CCSER1: variants seen among roughly 807,000 people sequenced by gnomAD.
CCSER1 encodes coiled-coil serine rich protein 1, also known as serine-rich coiled-coil domain-containing protein 1.
In CCSER1, 41 loss-of-function variants were observed where a neutral mutation model predicts 82.0. The ratio of observed to expected loss-of-function variants is 0.50; its 90% CI spans 0.39 to 0.65. The LOEUF (loss-of-function observed/expected upper bound fraction) is 0.65, where lower values mean the gene tolerates loss of function less well. CCSER1 is among the 30% of genes least tolerant of loss of function. The pLI is 0.00. For synonymous variants in CCSER1, 414 were observed against 383.9 expected (o/e 1.08, Z -0.92); for missense variants, 1,119 against 1,064.2 (o/e 1.05, Z -0.72).
intron 5 of CCSER1, among the ~76,000 whole-genome samples, chr4:90,606,098 G>A (rs1784669178): frequency 1.3e-5 from 2 of 152,028 alleles, no homozygotes; most frequent in Non-Finnish European, 2.9e-5. Flanking sequence ...GATGAATGTA[G>A]AATGTATTTA....
intron 10 of CCSER1, among the ~76,000 whole-genome samples, chr4:91,340,034 T>C (rs1747606896): frequency 6.6e-6 from 1 of 152,010 alleles, no homozygotes; most frequent in Admixed American, 6.6e-5. Flanking sequence ...GGAGAATCGC[T>C]TGAACCCGGG....
intron 7 of CCSER1, among the ~76,000 whole-genome samples, chr4:90,769,853 G>T (rs549489929): frequency 7.2e-5 from 11 of 152,272 alleles, no homozygotes; most frequent in Admixed American, 1.3e-4. Context: ...TTAACTGGAT[G>T]TTAATTAGAG....
At chr4:91,215,924 G>C (rs1393299517) in intron 10 of CCSER1, among the ~76,000 whole-genome samples, 1 of 152,146 alleles carries the variant, frequency 6.6e-6, no homozygotes, top group African/African-American at 2.4e-5. Context: ...CTGAGGACTT[G>C]AAAACTGCTT....
At chr4:90,817,650 AT>A (rs1561190775) in intron 8 of CCSER1, among the ~76,000 whole-genome samples, 2 of 151,998 alleles carry the variant, frequency 1.3e-5, no homozygotes, top group South Asian at 2.1e-4. Flanking sequence ...TTTAAAAAAA[AT>A]ATAGTTTATT....
At chr4:91,002,129 A>G (rs979918439) in intron 9 of CCSER1, among the ~76,000 whole-genome samples, 6 of 152,144 alleles carry the variant, frequency 3.9e-5, no homozygotes, top group African/African-American at 2.4e-5. Flanking sequence ...TCTGCTGTTA[A>G]TCTGATAGGT....
chr4:90,318,298 G>A (rs1268786563), intron 3 of CCSER1, among the ~76,000 whole-genome samples: 2 of 152,056 alleles, frequency 1.3e-5, no homozygotes, highest in Non-Finnish European at 2.9e-5. Flanking sequence ...TACTATTTTT[G>A]TAAGTATTTA....
intron 8 of CCSER1, among the ~76,000 whole-genome samples, chr4:90,870,963 CT>C (rs1393988677): frequency 6.7e-6 from 1 of 149,404 alleles, no homozygotes; most frequent in Non-Finnish European, 1.5e-5. Flanking sequence ...CTATTTTTTC[CT>C]TTTTTAATGT....
chr4:90,734,368 G>A (rs1170772740), intron 7 of CCSER1, among the ~76,000 whole-genome samples: 1 of 151,950 alleles, frequency 6.6e-6, no homozygotes, highest in Admixed American at 6.6e-5. Flanking sequence ...CTCGTGATCT[G>A]CCCGCCTTGG....
At chr4:90,582,228 G>C (rs1489885698) in intron 5 of CCSER1, among the ~76,000 whole-genome samples, 1 of 152,056 alleles carries the variant, frequency 6.6e-6, no homozygotes, top group South Asian at 2.1e-4. Context: ...AGAATATTTC[G>C]AGGATTCAGA....
chr4:91,100,222 A>C (rs923206916), intron 10 of CCSER1, among the ~76,000 whole-genome samples: 5 of 152,132 alleles, frequency 3.3e-5, no homozygotes, highest in African/African-American at 9.7e-5. Flanking sequence ...CTCATTATAA[A>C]TCAACATTTA....
chr4:90,972,054 A>G (rs1046037047), intron 9 of CCSER1, among the ~76,000 whole-genome samples: 2 of 151,924 alleles, frequency 1.3e-5, no homozygotes, highest in Non-Finnish European at 2.9e-5. Context: ...GAAAAGCTCT[A>G]TGCTTTTCCT....
intron 10 of CCSER1, among the ~76,000 whole-genome samples, chr4:91,569,786 A>G (rs1706079584): frequency 6.6e-6 from 1 of 152,196 alleles, no homozygotes; most frequent in African/African-American, 2.4e-5. Flanking sequence ...GAACCATATC[A>G]TTCTGCCCCT....
chr4:90,465,294 C>T (rs1182580183), intron 4 of CCSER1, among the ~76,000 whole-genome samples: 8 of 150,634 alleles, frequency 5.3e-5, no homozygotes, highest in African/African-American at 9.9e-5. Flanking sequence ...TGTGAACCAC[C>T]GCGCCCAGGC....
chr4:90,334,649 G>A (rs1450465552), intron 3 of CCSER1, among the ~76,000 whole-genome samples: 1 of 151,968 alleles, frequency 6.6e-6, no homozygotes, highest in African/African-American at 2.4e-5. Flanking sequence ...TAATAGAGTT[G>A]TGTATTTAAA....
chr4:90,730,227 A>G (rs546275824), intron 7 of CCSER1, among the ~76,000 whole-genome samples: 10 of 152,240 alleles, frequency 6.6e-5, no homozygotes, highest in African/African-American at 2.4e-4. Flanking sequence ...GACCTTCACA[A>G]CATCATCTGT....
In CCSER1 at chr4:91,297,385, ATGTGTGTGTGTGTGTGTG is replaced by A. The variant is rs57164334; in HGVS notation, c.2217+211413_2217+211430del. ...GATGCTTGTGTGTGTGTGTGTGTGT[ATGTGTGTGTGTGTGTGTG>A]TGTGTGTGTGTGTGTGTGTGTTAGG... is the stretch of plus-strand genomic sequence containing the variant. On this transcript the variant is annotated intron_variant, in intron 10 of 10. Coordinates refer to ENST00000509176, the MANE Select transcript of CCSER1 (RefSeq NM_001145065.2). Among the ~76,000 whole-genome samples the A allele has an allele frequency of 7.6e-5, 9 of 118,068 alleles. No individual in the cohort carries two copies. The South Asian group carries it at 7.7e-4, about 10-fold the overall frequency. The allele number at this position is 118,068 out of a possible 152,430, so 77.5% of individuals were successfully genotyped here.
intron 3 of CCSER1, among the ~76,000 whole-genome samples, chr4:90,356,277 CTT>C (rs1351375590): frequency 6.6e-6 from 1 of 151,746 alleles, no homozygotes. Context: ...CATCCCACAG[CTT>C]TCCTTTTAAA....
chr4:90,152,864 C>G (rs1202245766), intron 1 of CCSER1, among the ~76,000 whole-genome samples: 1 of 149,424 alleles, frequency 6.7e-6, no homozygotes, highest in African/African-American at 2.5e-5. Context: ...TTTGTCAGTG[C>G]TAGGTTTTTT....
chr4:91,451,061 T>C (rs1235491080), intron 10 of CCSER1, among the ~76,000 whole-genome samples: 1 of 140,212 alleles, frequency 7.1e-6, no homozygotes, highest in African/African-American at 2.6e-5. Context: ...AGATTCAGTG[T>C]CCGGTGAATG....
Sources: allele counts gnomAD v4.1 joint callset (sites outside exome capture counted in the v4.1 genomes callset), GRCh38; gene constraint gnomAD v4.1.1; transcripts MANE v1.5; gene names NCBI Gene and HGNC (gene_info 2026-07-23, HGNC 2026-07-21).